Variants in GXYLT2 observed in about 807,000 individuals in gnomAD.
The protein encoded by GXYLT2 is glucoside xylosyltransferase 2, also known as glycosyltransferase 8 domain containing 4.
GXYLT2 carries 53 observed loss-of-function variants against 45.8 expected under a neutral mutation model. That is an observed-to-expected ratio of 1.16 (90% CI 0.93 to 1.46). The LOEUF (loss-of-function observed/expected upper bound fraction) is 1.46, where lower values mean the gene tolerates loss of function less well. GXYLT2 is among the 40% of genes most tolerant of loss of function. GXYLT2 has a pLI of 0.00. For synonymous variants in GXYLT2, 219 were observed against 214.2 expected (o/e 1.02, Z -0.19); for missense variants, 551 against 544.4 (o/e 1.01, Z -0.12).
At chr3:72,935,125 A>G (rs752790127) in intron 3 of GXYLT2, among the ~76,000 whole-genome samples, 28 of 152,220 alleles carry the variant, frequency 1.8e-4, no homozygotes, top group Non-Finnish European at 3.2e-4. Context: ...AAGATGAATA[A>G]AACTTCTAAA....
intron 3 of GXYLT2, among the ~76,000 whole-genome samples, chr3:72,924,603 C>T (rs1275340258): frequency 6.6e-6 from 1 of 152,090 alleles, no homozygotes; most frequent in Non-Finnish European, 1.5e-5. Flanking sequence ...TGGTTTATGG[C>T]AGCGCAGACA....
chr3:72,952,164 G>C (rs867871418), intron 3 of GXYLT2, among the ~76,000 whole-genome samples: 13 of 151,632 alleles, frequency 8.6e-5, no homozygotes, highest in African/African-American at 2.9e-4. Context: ...CACAACCCCC[G>C]GCTAATTTTT....
At chr3:72,914,739 T>C (rs1575786081) in intron 2 of GXYLT2, among the ~76,000 whole-genome samples, 1 of 149,148 alleles carries the variant, frequency 6.7e-6, no homozygotes, top group Admixed American at 6.6e-5. Flanking sequence ...TGGCTTGTGG[T>C]AGGCTCTAAC....
At chr3:72,922,112 A>G (rs1246143149) in intron 2 of GXYLT2, 92 bp from the exon 3 acceptor site, 2 of 1,182,592 alleles carry the variant, frequency 1.7e-6, no homozygotes, top group South Asian at 1.5e-5. Flanking sequence ...AGTTGCCTGA[A>G]TAATTTCCAT....
intron 5 of GXYLT2, among the ~76,000 whole-genome samples, chr3:72,959,187 G>C (rs772678562): frequency 8.1e-5 from 11 of 135,122 alleles, no homozygotes; most frequent in Non-Finnish European, 1.4e-4. Flanking sequence ...GCATGATCTC[G>C]GCTCACTGTA....
At chr3:72,938,387 A>G (rs1302647543) in intron 3 of GXYLT2, among the ~76,000 whole-genome samples, 2 of 152,274 alleles carry the variant, frequency 1.3e-5, no homozygotes, top group African/African-American at 4.8e-5. Context: ...GTGTCTACTC[A>G]GTAAATGTTG....
intron 1 of GXYLT2, among the ~76,000 whole-genome samples, chr3:72,902,960 T>G (rs997934892): frequency 3.9e-5 from 6 of 152,184 alleles, no homozygotes; most frequent in Admixed American, 6.5e-5. Flanking sequence ...TGCAGTGAGC[T>G]GGGATCACAC....
At chr3:72,912,014 T>TA (rs527420103) in intron 2 of GXYLT2, among the ~76,000 whole-genome samples, 2,042 of 93,472 alleles carry the variant, frequency 0.022, 29 homozygotes, top group African/African-American at 0.049. Context: ...TATATATATA[T>TA]TTTTTTTTTT....
At chr3:72,945,838 A>G (rs1422092004) in intron 3 of GXYLT2, among the ~76,000 whole-genome samples, 1 of 152,244 alleles carries the variant, frequency 6.6e-6, no homozygotes, top group Non-Finnish European at 1.5e-5. Flanking sequence ...ATTGGGAAGC[A>G]TTAATTTTCA....
intron 5 of GXYLT2, among the ~76,000 whole-genome samples, chr3:72,962,389 T>C (rs1710787386): frequency 6.6e-6 from 1 of 152,024 alleles, no homozygotes; most frequent in Admixed American, 6.6e-5. Flanking sequence ...TTAAATGGAG[T>C]TGGTGTTCAG....
chr3:72,952,306 T>A (rs1710543525), intron 3 of GXYLT2, among the ~76,000 whole-genome samples: 1 of 152,074 alleles, frequency 6.6e-6, no homozygotes, highest in Admixed American at 6.6e-5. Flanking sequence ...TTAAAATGGA[T>A]GTTAAGATAA....
At chr3:72,898,344 C>A (rs1709333903) in intron 1 of GXYLT2, among the ~76,000 whole-genome samples, 1 of 152,138 alleles carries the variant, frequency 6.6e-6, no homozygotes, top group Admixed American at 6.5e-5. Flanking sequence ...TCATCTAATT[C>A]TTCTCCCTCG....
chr3:72,957,382 G>A (rs1351696695), intron 5 of GXYLT2, 30 bp downstream of exon 5: 5 of 1,570,046 alleles, frequency 3.2e-6, no homozygotes, highest in Non-Finnish European at 4.3e-6. Context: ...TGCCTTTTGT[G>A]TAGGAGTACA....
rs961597022 is a variant in GXYLT2, at chr3:72,940,863, G to T, written c.601-14235G>T. On this transcript the variant is annotated intron_variant, in intron 3 of 6. Transcript: ENST00000389617. ...CACCTGACTAATTTTTTAATTTTTTGTAAAGATTGGATCTGTATGTTGCCC... is the reference window on the plus strand; with the variant it reads ...CACCTGACTAATTTTTTAATTTTTTTTAAAGATTGGATCTGTATGTTGCCC... Among the ~76,000 whole-genome samples the T allele has an allele frequency of 3.9e-5, 6 of 152,130 alleles. No individual in the cohort carries two copies. In the East Asian group the frequency reaches 9.7e-4, roughly 25 times the overall value.
chr3:72,968,027 G>A (rs1710900301), intron 6 of GXYLT2, among the ~76,000 whole-genome samples: 2 of 152,184 alleles, frequency 1.3e-5, no homozygotes, highest in Non-Finnish European at 2.9e-5. Context: ...AGGCTGGAGT[G>A]CAGTGGTGGG....
At chr3:72,889,979 C>T (rs1432454276) in intron 1 of GXYLT2, among the ~76,000 whole-genome samples, 1 of 147,646 alleles carries the variant, frequency 6.8e-6, no homozygotes, top group East Asian at 2.0e-4. Context: ...GATCTCTGCT[C>T]ACTGCAACCG....
chr3:72,942,598 G>T (rs1269711248), intron 3 of GXYLT2, among the ~76,000 whole-genome samples: 1 of 152,102 alleles, frequency 6.6e-6, no homozygotes, highest in Admixed American at 6.6e-5. Flanking sequence ...ATATCACTTG[G>T]CCCGGTCAAC....
intron 1 of GXYLT2, among the ~76,000 whole-genome samples, chr3:72,902,717 T>C (rs1162357028): frequency 1.3e-5 from 1 of 79,842 alleles, no homozygotes; most frequent in Non-Finnish European, 3.4e-5. Flanking sequence ...CCAGGTGCGG[T>C]GGCTCATGCC....
intron 3 of GXYLT2, among the ~76,000 whole-genome samples, chr3:72,935,241 T>C (rs976363262): frequency 2.6e-5 from 4 of 152,174 alleles, no homozygotes; most frequent in Non-Finnish European, 4.4e-5. Context: ...TAAAAAAACC[T>C]CTTGTACATT....
Sources: allele counts gnomAD v4.1 joint callset (sites outside exome capture counted in the v4.1 genomes callset), GRCh38; gene constraint gnomAD v4.1.1; transcripts MANE v1.5; gene names NCBI Gene and HGNC (gene_info 2026-07-23, HGNC 2026-07-21).